The following ANKRD44 variants were observed in gnomAD, a reference collection of about 807,000 sequenced individuals.
ANKRD44 encodes the protein serine/threonine-protein phosphatase 6 regulatory ankyrin repeat subunit B.
ANKRD44 carries 35 observed loss-of-function variants against 116.0 expected under a neutral mutation model. The observed-to-expected ratio is 0.30, with a 90% CI of 0.23 to 0.40. The LOEUF (loss-of-function observed/expected upper bound fraction) is 0.40, where lower values mean the gene tolerates loss of function less well. Ranked by LOEUF, ANKRD44 falls within the 10% of genes least tolerant of loss-of-function variation. The pLI is 1.00. For missense variants in ANKRD44, 1,014 were observed against 1,242.6 expected, an observed-to-expected ratio of 0.82 and a Z score of 2.77; for synonymous variants, 435 against 461.8, an observed-to-expected ratio of 0.94 and a Z score of 0.74.
intron 2 of ANKRD44, among the ~76,000 whole-genome samples, chr2:197,160,564 G>A (rs2079935227): frequency 6.6e-6 from 1 of 152,128 alleles, no homozygotes; most frequent in Non-Finnish European, 1.5e-5. Flanking sequence ...GGTAACTGAA[G>A]CCTCTCTCAT....
rs2076420125 is a variant in ANKRD44, at chr2:197,017,824, A to G, written c.1723-4112T>C. On this transcript the variant is annotated intron_variant, in intron 17 of 27. Coordinates refer to ENST00000282272, the MANE Select transcript of ANKRD44 (RefSeq NM_001195144.2). ...CTTTGTCTTCCCTCCTGTTAAACCC[A>G]GGGCTATTGCCCTGAACAAGGAAGG... is the stretch of plus-strand genomic sequence containing the variant. Among the ~76,000 whole-genome samples the G allele has an allele frequency of 1.3e-5, 2 of 152,220 alleles. 1 individual carries two copies. Among genetic ancestry groups the G allele is most frequent in the African/African-American group, 4.8e-5 (2 of 41,464 alleles).
rs11313608 is a variant in ANKRD44 at position 197,131,192 on chromosome 2, CTT to C, written c.262-5157_262-5156del. ...CATACTGCCTAGCAGATAGTAAGTACTTTTTTTTTTTTTTTTTGAGACGGAGT... is the reference window on the plus strand; with the variant it reads ...CATACTGCCTAGCAGATAGTAAGTACTTTTTTTTTTTTTTTGAGACGGAGT... On this transcript the variant is annotated intron_variant, in intron 4 of 27. Coordinates refer to ENST00000282272, the MANE Select transcript of ANKRD44 (RefSeq NM_001195144.2). Among the ~76,000 whole-genome samples, 545 of 130,054 alleles carry C rather than the reference CTT, an allele frequency of 4.2e-3. 3 individuals carry two copies. Among genetic ancestry groups the C allele is most frequent in the African/African-American group, 9.7e-3 (357 of 36,784 alleles). 85.3% of individuals were successfully genotyped at this position (130,054 alleles called of 152,430 possible).
At chr2:197,249,183 G>A (rs1263899673) in intron 1 of ANKRD44, among the ~76,000 whole-genome samples, 1 of 152,180 alleles carries the variant, frequency 6.6e-6, no homozygotes, top group Non-Finnish European at 1.5e-5. Flanking sequence ...TGAGGCTGGA[G>A]GATCGCTTGA....
Position 196,998,915 on chromosome 2 carries a change from C to A in ANKRD44, c.2657G>T (p.Gly886Val), listed in dbSNP as rs2076063689. 1 of 1,614,006 alleles carries A rather than the reference C, an allele frequency of 6.2e-7. No individual in the cohort carries two copies. Among genetic ancestry groups the A allele is most frequent in the Admixed American group, 1.7e-5 (1 of 60,000 alleles). ...LMMAAENGQA[G>V]AVDILVNSAQ... is the part of the protein sequence containing the mutation. ...ATACAACAAGCACATACCCACAGCG[C>A]CTGCCTGCCCATTCTCAGCAGCCAT... Residue 886 changes from glycine (G) to valine (V), a missense_variant, in exon 24 of 28, where the codon GGC becomes GTC. By Grantham distance (109) the Gly-to-Val change is moderately radical. Transcript: ENST00000282272.
chr2:197,097,798 T>A (rs1429427629), intron 10 of ANKRD44, among the ~76,000 whole-genome samples: 1 of 152,226 alleles, frequency 6.6e-6, no homozygotes, highest in Non-Finnish European at 1.5e-5. Flanking sequence ...CAACCTGTTC[T>A]ACGCCCACTT....
At chr2:197,262,147 C>A (rs2082622012) in intron 1 of ANKRD44, among the ~76,000 whole-genome samples, 1 of 152,198 alleles carries the variant, frequency 6.6e-6, no homozygotes, top group Non-Finnish European at 1.5e-5. Context: ...CCCTCTGATA[C>A]AGCACTCTGG....
chr2:197,208,282 AG>A (rs1167267807), intron 1 of ANKRD44, among the ~76,000 whole-genome samples: 2 of 152,214 alleles, frequency 1.3e-5, no homozygotes, highest in African/African-American at 4.8e-5. Flanking sequence ...AGGCCAGAGA[AG>A]GGGCTGGTAG....
intron 1 of ANKRD44, among the ~76,000 whole-genome samples, chr2:197,281,517 A>G (rs1412554162): frequency 6.6e-6 from 1 of 152,160 alleles, no homozygotes; most frequent in African/African-American, 2.4e-5. Flanking sequence ...TATAAGGCAT[A>G]AGTCCCTGAG....
intron 1 of ANKRD44, among the ~76,000 whole-genome samples, chr2:197,217,854 G>C (rs1397670877): frequency 6.6e-6 from 1 of 152,152 alleles, no homozygotes; most frequent in Admixed American, 6.5e-5. Flanking sequence ...GTTCAGCACA[G>C]AATACACAAC....
At chr2:197,020,138 T>G (rs1472067811) in intron 17 of ANKRD44, among the ~76,000 whole-genome samples, 1 of 152,072 alleles carries the variant, frequency 6.6e-6, no homozygotes, top group East Asian at 1.9e-4. Flanking sequence ...TTAAGCCAAC[T>G]CAGGAGCACT....
intron 21 of ANKRD44, among the ~76,000 whole-genome samples, chr2:196,979,125 G>T (rs1041464375): frequency 2.6e-5 from 4 of 151,906 alleles, no homozygotes; most frequent in African/African-American, 9.7e-5. Flanking sequence ...CGCCAGGCAC[G>T]GTGGCTCACG....
At chr2:197,077,164 ATC>A (rs1409154999) in intron 16 of ANKRD44, among the ~76,000 whole-genome samples, 1 of 152,144 alleles carries the variant, frequency 6.6e-6, no homozygotes, top group African/African-American at 2.4e-5. Flanking sequence ...CCTGGCCAGC[ATC>A]TGTTATTTTT....
chr2:196,997,204 G>A (rs1469369443), intron 25 of ANKRD44, among the ~76,000 whole-genome samples: 1 of 151,514 alleles, frequency 6.6e-6, no homozygotes, highest in Non-Finnish European at 1.5e-5. Context: ...AGGAATTTCA[G>A]GTAAGAGATA....
intron 16 of ANKRD44, among the ~76,000 whole-genome samples, chr2:197,068,398 T>TAAAAAAAAAAAA (rs1447836305): frequency 1.6e-5 from 1 of 61,410 alleles, no homozygotes; most frequent in Non-Finnish European, 4.1e-5. Flanking sequence ...AAAAAAAAAA[T>TAAAAAAAAAAAA]AAAAATAAAA....
chr2:197,137,251 C>T (rs183546712), intron 3 of ANKRD44, among the ~76,000 whole-genome samples: 68 of 151,984 alleles, frequency 4.5e-4, no homozygotes, highest in Middle Eastern at 6.8e-3. Flanking sequence ...AAAAGGGCTA[C>T]GAAAGGAGAG....
chr2:197,119,435 G>C (rs924394571), intron 8 of ANKRD44, among the ~76,000 whole-genome samples: 5 of 152,064 alleles, frequency 3.3e-5, no homozygotes, highest in African/African-American at 1.2e-4. Flanking sequence ...GCTTTTTACA[G>C]ACAGGATCTC....
At chr2:197,289,186 G>GTA (rs2083489726) in intron 1 of ANKRD44, among the ~76,000 whole-genome samples, 1 of 152,094 alleles carries the variant, frequency 6.6e-6, no homozygotes, top group African/African-American at 2.4e-5. Context: ...AAAATATTAT[G>GTA]TATCAGTAAA....
chr2:197,149,894 T>G (rs1486875424), intron 2 of ANKRD44, among the ~76,000 whole-genome samples: 1 of 152,170 alleles, frequency 6.6e-6, no homozygotes, highest in African/African-American at 2.4e-5. Context: ...GGAGATGGAA[T>G]AGAAGGAGGG....
At chr2:197,277,543 A>G (rs2083127201) in intron 1 of ANKRD44, among the ~76,000 whole-genome samples, 1 of 152,098 alleles carries the variant, frequency 6.6e-6, no homozygotes, top group Non-Finnish European at 1.5e-5. Flanking sequence ...ATTCAAAGCT[A>G]CTGTCTGGGA....
Sources: allele counts gnomAD v4.1 joint callset (sites outside exome capture counted in the v4.1 genomes callset), GRCh38; gene constraint gnomAD v4.1.1; transcripts MANE v1.5; gene names NCBI Gene and HGNC (gene_info 2026-07-23, HGNC 2026-07-21).